LSM14B: variants seen among roughly 807,000 people sequenced by gnomAD.
LSM14B encodes the protein protein LSM14 homolog B.
In LSM14B, 8 loss-of-function variants were observed where a neutral mutation model predicts 42.1. The ratio of observed to expected loss-of-function variants is 0.19; its 90% CI spans 0.11 to 0.34. The LOEUF (loss-of-function observed/expected upper bound fraction) is 0.34, where lower values mean the gene tolerates loss of function less well. Among genes scored for constraint, LSM14B ranks in the 10% least tolerant of loss-of-function variants. The probability of loss-of-function intolerance (pLI) is 1.00; values close to 1 mark genes in which losing one functional copy is unlikely to be tolerated. For missense variants in LSM14B, 396 were observed against 513.1 expected, an observed-to-expected ratio of 0.77 and a Z score of 2.21; for synonymous variants, 219 against 209.7, an observed-to-expected ratio of 1.04 and a Z score of -0.38.
chr20:62,127,921 C>T (rs2056652226), intron 3 of LSM14B: 1 of 674,556 alleles, frequency 1.5e-6, no homozygotes, highest in Admixed American at 2.1e-5. Context: ...TTCTCTCTCC[C>T]TGGGTCCAGG....
At chr20:62,127,716 G>C in intron 3 of LSM14B, 1 of 1,496,662 alleles carries the variant, frequency 6.7e-7, no homozygotes, top group Non-Finnish European at 9.1e-7. Flanking sequence ...CAGCAGTTTG[G>C]GAGAACTGCA....
chr20:62,123,674 G>A (rs2056489261), intron 1 of LSM14B, among the ~76,000 whole-genome samples: 1 of 152,262 alleles, frequency 6.6e-6, no homozygotes. Flanking sequence ...GCCCGTGTGT[G>A]TGCTGGATCT....
Position 62,134,517 on chromosome 20 carries a change from G to T in LSM14B, c.*369G>T. On this transcript the variant is annotated 3_prime_UTR_variant, in exon 9 of 9. Transcript: ENST00000279068. ...ATGACAAGCTTTGACTTTTAAAAGTGGAACCAAATCTGTTGGCAGAGGTGG... is the reference window on the plus strand; with the variant it reads ...ATGACAAGCTTTGACTTTTAAAAGTTGAACCAAATCTGTTGGCAGAGGTGG... 6.2e-6 allele frequency: 2 copies of T among 323,520 alleles called. No homozygotes were observed. The highest frequency in any genetic ancestry group is 1.2e-5 in the Non-Finnish European group (2 of 167,266). 20.0% of individuals were successfully genotyped at this position (323,520 alleles called of 1,614,324 possible). A position where few individuals can be genotyped will look rare whatever the true frequency, so the allele number is the denominator to read the frequency against.
rs1424973885 is a variant in LSM14B at position 62,133,297 on chromosome 20, C to T, written c.994C>T (p.Arg332Trp). The part of the protein sequence containing the change: ...ISSELKTSSR[R>W]TTWAEERKLN... ...ATTTCCTCTGTGGTTTAGCTCCAGGCGGACGACGTGGGCCGAAGAGAGGAA... is the reference window on the plus strand; with the variant it reads ...ATTTCCTCTGTGGTTTAGCTCCAGGTGGACGACGTGGGCCGAAGAGAGGAA... Residue 332 changes from arginine to tryptophan, a missense_variant, in exon 8 of 9, where the codon CGG becomes TGG. Coordinates refer to ENST00000279068, the MANE Select transcript of LSM14B (RefSeq NM_144703.3). 9 of 1,613,116 alleles carry T rather than the reference C, an allele frequency of 5.6e-6. No homozygotes were observed. In the Admixed American group the frequency reaches 6.7e-5, roughly 12 times the overall value.
intron 3 of LSM14B, 66 bp from the exon 4 acceptor site, chr20:62,129,719 G>A (rs2056708036): frequency 2.1e-6 from 3 of 1,461,548 alleles, no homozygotes; most frequent in Admixed American, 2.3e-5. Context: ...GAAGAGAAAT[G>A]CCTGGAGATA....
chr20:62,126,179 C>G, intron 2 of LSM14B, 125 bp from the exon 3 acceptor site: 2 of 1,441,258 alleles, frequency 1.4e-6, no homozygotes, highest in Non-Finnish European at 1.9e-6. Context: ...AAGGGCTCCT[C>G]CAGCATCTCA....
At position 62,135,183 on chromosome 20, in the gene LSM14B, G is replaced by T. The variant is rs145589421; in HGVS notation, c.*1035G>T. 6.6e-6 allele frequency: 1 copy of T among 152,116 alleles called. No homozygotes were observed. The highest frequency in any genetic ancestry group is 2.4e-5 in the African/African-American group (1 of 41,404). The allele number at this position is 152,116 out of a possible 1,614,324, so 9.4% of individuals were successfully genotyped here. Reference sequence around the variant, plus strand: ...CCTCTGAGTGACAGGGCATTTTGTCGAAAATAAGCACCTTGGTAACTAAAC... The same window carrying T: ...CCTCTGAGTGACAGGGCATTTTGTCTAAAATAAGCACCTTGGTAACTAAAC... On this transcript the variant is annotated 3_prime_UTR_variant, in exon 9 of 9. Transcript: ENST00000279068.
At chr20:62,129,742 C>T (rs1441874156) in intron 3 of LSM14B, 43 bp from the exon 4 acceptor site, 9 of 1,546,086 alleles carry the variant, frequency 5.8e-6, no homozygotes, top group Non-Finnish European at 7.9e-6. Context: ...AGGCTTGCTT[C>T]TTTTCTCTCT....
rs2056745312 is a variant in LSM14B, at chr20:62,130,801, T to C, written c.835+110T>C. ...GTTCACGCCTGTAATCTCAGCACTT[T>C]GGGAGGCTGAGGTGGGTGGATCACC... On this transcript the variant is annotated intron_variant, in intron 6 of 8. Transcript: ENST00000279068. This position sits in a 1 kb window ranked among gnomAD's most constrained non-coding sequence, Gnocchi z 4.1. 1.7e-6 allele frequency: 2 copies of C among 1,155,636 alleles called. No individual in the cohort carries two copies. The highest frequency in any genetic ancestry group is 2.6e-5 in the East Asian group (1 of 39,114). The allele number at this position is 1,155,636 out of a possible 1,614,324, so 71.6% of individuals were successfully genotyped here. A position where few individuals can be genotyped will look rare whatever the true frequency, so the allele number is the denominator to read the frequency against.
intron 3 of LSM14B, among the ~76,000 whole-genome samples, chr20:62,127,009 G>A (rs2056627447): frequency 6.6e-6 from 1 of 152,110 alleles, no homozygotes; most frequent in South Asian, 2.1e-4. Context: ...AAAATAAATA[G>A]GTGGAAGTCC....
rs141016372 is a variant in LSM14B, at chr20:62,126,880, C to T, written c.427+441C>T. 9.8e-4 allele frequency among the ~76,000 whole-genome samples: 149 copies of T among 152,140 alleles called. 1 individual carries two copies. The East Asian group carries it at 0.024, about 25-fold the overall frequency. ...GGTGTGGTGGGACACACCTGTAATC[C>T]CAGCTACTTGGGGGGTTGAGGCATG... On this transcript the variant is annotated intron_variant, in intron 3 of 8. Transcript: ENST00000279068.
At position 62,126,287 on chromosome 20, in the gene LSM14B, G is replaced by A. The variant is rs376330853; in HGVS notation, c.292-17G>A. On this transcript the variant is annotated splice_polypyrimidine_tract_variant and intron_variant, in intron 2 of 8. Coordinates refer to ENST00000279068, the MANE Select transcript of LSM14B (RefSeq NM_144703.3). ...GGGATGGCCTTCGCCGTTCTCACCCGATGTCTCGTTGTTCAGTCTTCCCTG... is the reference window on the plus strand; with the variant it reads ...GGGATGGCCTTCGCCGTTCTCACCCAATGTCTCGTTGTTCAGTCTTCCCTG... 6.0e-5 allele frequency: 97 copies of A among 1,613,818 alleles called. No individual in the cohort carries two copies. In the African/African-American group the frequency reaches 1.1e-3, roughly 18 times the overall value.
In LSM14B at chr20:62,130,491, G is replaced by C. The variant is rs765936929; in HGVS notation, c.674-39G>C. On this transcript the variant is annotated intron_variant, in intron 5 of 8. Coordinates refer to ENST00000279068, the MANE Select transcript of LSM14B (RefSeq NM_144703.3). This position sits in a 1 kb window ranked among gnomAD's most constrained non-coding sequence, Gnocchi z 4.1. ...TGAGGTGTTTGAGATCACTGGGTTG[G>C]TGACCTACTTCAGCCAGGGCTGTCC... The C allele has an allele frequency of 3.7e-6, 6 of 1,605,934 alleles. No individual in the cohort carries two copies. Among genetic ancestry groups the C allele is most frequent in the Non-Finnish European group, 5.1e-6 (6 of 1,175,134 alleles).
intron 3 of LSM14B, 104 bp from the exon 4 acceptor site, chr20:62,129,681 C>G: frequency 8.0e-4 from 931 of 1,157,022 alleles, no homozygotes; most frequent in Non-Finnish European, 1.0e-3. Context: ...TAGGCAGTTG[C>G]CCTCCTTTCC....
rs1229502749 is a variant in LSM14B at position 62,130,487 on chromosome 20, G to A, written c.674-43G>A. 3 of 1,604,548 alleles carry A rather than the reference G, an allele frequency of 1.9e-6. No individual in the cohort carries two copies. The highest frequency in any genetic ancestry group is 2.6e-6 in the Non-Finnish European group (3 of 1,174,428). ...CTTGTGAGGTGTTTGAGATCACTGGGTTGGTGACCTACTTCAGCCAGGGCT... is the reference window on the plus strand; with the variant it reads ...CTTGTGAGGTGTTTGAGATCACTGGATTGGTGACCTACTTCAGCCAGGGCT... On this transcript the variant is annotated intron_variant, in intron 5 of 8. Coordinates refer to ENST00000279068, the MANE Select transcript of LSM14B (RefSeq NM_144703.3). This position sits in a 1 kb window ranked among gnomAD's most constrained non-coding sequence, Gnocchi z 4.1.
chr20:62,134,607 A>AGGGT lies in LSM14B; in HGVS notation c.*463_*466dup. 6.3e-6 allele frequency: 1 copy of AGGGT among 159,634 alleles called. No individual in the cohort carries two copies. Among genetic ancestry groups the AGGGT allele is most frequent in the Non-Finnish European group, 1.1e-5 (1 of 91,686 alleles). The allele number at this position is 159,634 out of a possible 1,614,324, so 9.9% of individuals were successfully genotyped here. A position where few individuals can be genotyped will look rare whatever the true frequency, so the allele number is the denominator to read the frequency against. The stretch of plus-strand genomic sequence containing the variant: ...CTGTTGGCCTGGCACCCCACTGCCA[A>AGGGT]GGGTGGGGTCTCAGGAGTCAGGCAG... On this transcript the variant is annotated 3_prime_UTR_variant, in exon 9 of 9. Coordinates refer to ENST00000279068, the MANE Select transcript of LSM14B (RefSeq NM_144703.3).
At position 62,134,611 on chromosome 20, in the gene LSM14B, TG is replaced by T. The variant is rs1422297236; in HGVS notation, c.*467del. On this transcript the variant is annotated 3_prime_UTR_variant, in exon 9 of 9. Coordinates refer to ENST00000279068, the MANE Select transcript of LSM14B (RefSeq NM_144703.3). ...TGGCCTGGCACCCCACTGCCAAGGG[TG>T]GGGTCTCAGGAGTCAGGCAGGGCCA... 10 of 146,706 alleles carry T rather than the reference TG, an allele frequency of 6.8e-5. No homozygotes were observed. The highest frequency in any genetic ancestry group is 1.6e-4 in the Admixed American group (1 of 6,306). The allele number at this position is 146,706 out of a possible 1,614,324, so 9.1% of individuals were successfully genotyped here.
At chr20:62,129,253 G>T (rs535031217) in intron 3 of LSM14B, among the ~76,000 whole-genome samples, 1 of 152,304 alleles carries the variant, frequency 6.6e-6, no homozygotes, top group Admixed American at 6.5e-5. Flanking sequence ...TAGTTTTATT[G>T]TGCCTTAAGT....
In LSM14B at chr20:62,122,894, A is replaced by T; in HGVS notation, c.127+101A>T. ...CGGGGCGCCCCGGAGCCTGGCGCCC[A>T]GACCCCGCCCAGAACCCACCCAGGG... On this transcript the variant is annotated intron_variant, in intron 1 of 8. Coordinates refer to ENST00000279068, the MANE Select transcript of LSM14B (RefSeq NM_144703.3). This position sits in a 1 kb window ranked among gnomAD's most constrained non-coding sequence, Gnocchi z 4.6. The T allele has an allele frequency of 9.1e-7, 1 of 1,095,862 alleles. No homozygotes were observed. Among genetic ancestry groups the T allele is most frequent in the Non-Finnish European group, 1.1e-6 (1 of 876,382 alleles). The allele number at this position is 1,095,862 out of a possible 1,614,324, so 67.9% of individuals were successfully genotyped here.
Sources: allele counts gnomAD v4.1 joint callset (sites outside exome capture counted in the v4.1 genomes callset), GRCh38; gene constraint gnomAD v4.1.1; non-coding constraint Gnocchi (gnomAD v3.1); transcripts MANE v1.5; gene names NCBI Gene and HGNC (gene_info 2026-07-23, HGNC 2026-07-21).